PGC: variants seen among roughly 807,000 people sequenced by gnomAD.
PGC encodes gastricsin.
Under a neutral mutation model 45.9 loss-of-function variants are expected in PGC, and 31 were observed. The observed-to-expected ratio is 0.67, with a 90% CI of 0.51 to 0.91. The LOEUF (loss-of-function observed/expected upper bound fraction) is 0.91. Ranked by LOEUF, PGC falls within the 40% of genes least tolerant of loss-of-function variation. PGC has a pLI of 0.00. For synonymous variants in PGC, 192 were observed against 201.8 expected (o/e 0.95, Z 0.41); for missense variants, 477 against 493.2 (o/e 0.97, Z 0.31).
chr6:41,738,220 A>T lies in PGC; in HGVS notation c.916-392T>A, dbSNP rs1365193756. Reference sequence around the variant, plus strand: ...TATATATGCATATATATATGCATATATATATGCATATATATATGTATATAT... The same window carrying T: ...TATATATGCATATATATATGCATATTTATATGCATATATATATGTATATAT... On this transcript the variant is annotated intron_variant, in intron 7 of 8. Coordinates refer to ENST00000373025, the MANE Select transcript of PGC (RefSeq NM_002630.4). Among the ~76,000 whole-genome samples, 15 of 44,328 alleles carry T rather than the reference A, an allele frequency of 3.4e-4. 2 individuals carry two copies. The highest frequency in any genetic ancestry group is 1.2e-3 in the African/African-American group (15 of 12,984). 29.1% of individuals were successfully genotyped at this position (44,328 alleles called of 152,430 possible).
intron 3 of PGC, 53 bp from the exon 4 acceptor site, chr6:41,743,442 A>C (rs1360260036): frequency 9.0e-7 from 1 of 1,111,918 alleles, no homozygotes; most frequent in African/African-American, 1.5e-5. Context: ...AGGGCTGCTC[A>C]GCTCTCAGGC....
chr6:41,741,734 C>A, intron 5 of PGC: 1 of 1,169,416 alleles, frequency 8.6e-7, no homozygotes, highest in Non-Finnish European at 1.2e-6. Context: ...CGCTCACCCC[C>A]ACCCACTGCC....
intron 5 of PGC, chr6:41,741,297 TC>T (rs1448718610): frequency 1.5e-6 from 2 of 1,313,834 alleles, no homozygotes; most frequent in Non-Finnish European, 2.0e-6. Flanking sequence ...CAGGGTGAGG[TC>T]CTTGAACTTC....
At chr6:41,743,220 C>A in intron 4 of PGC, 51 bp downstream of exon 4, 1 of 1,083,934 alleles carries the variant, frequency 9.2e-7, no homozygotes, top group South Asian at 1.2e-5. Flanking sequence ...CTAACTGTCC[C>A]CTCCAGCTTA....
chr6:41,740,971 C>G, intron 5 of PGC: 4 of 1,514,730 alleles, frequency 2.6e-6, no homozygotes, highest in Non-Finnish European at 3.5e-6. Flanking sequence ...GAATTCCCAG[C>G]GCCTCAGGCT....
At chr6:41,741,346 T>C in intron 5 of PGC, 1 of 966,738 alleles carries the variant, frequency 1.0e-6, no homozygotes. Flanking sequence ...TAACTGTCTC[T>C]AGAAAGTGGC....
intron 7 of PGC, 49 bp from the exon 8 acceptor site, chr6:41,737,877 C>T (rs1320175228): frequency 2.8e-6 from 3 of 1,055,510 alleles, no homozygotes; most frequent in Non-Finnish European, 4.4e-6. Flanking sequence ...CCTGATAGCA[C>T]CCACCAGCCC....
chr6:41,745,012 T>C (rs1049875367), intron 1 of PGC, among the ~76,000 whole-genome samples: 13 of 150,364 alleles, frequency 8.6e-5, no homozygotes, highest in Admixed American at 6.8e-4. Flanking sequence ...TGTGTGTGTG[T>C]GTGCGCGCGC....
Position 41,744,722 on chromosome 6 carries a change from T to A in PGC, c.146A>T (p.Asp49Val), listed in dbSNP as rs759191234. The A allele has an allele frequency of 6.2e-7, 1 of 1,614,030 alleles. No individual in the cohort carries two copies. The highest frequency in any genetic ancestry group is 1.1e-5 in the South Asian group (1 of 91,082). ...ACCAAAGCGGTACTTCCAAGCAGGA[T>A]CATACTTGTGGGTCCTCAGGAACTC... ...LGEFLRTHKY[D>V]PAWKYRFGDL... Residue 49 changes from aspartate to valine, a missense_variant, in exon 2 of 9, where the codon GAT (aspartate) becomes GTT (valine). Asp to Val is a radical substitution (Grantham distance 152). Coordinates refer to ENST00000373025, the MANE Select transcript of PGC (RefSeq NM_002630.4). The surrounding 1 kb of genome is among the most constrained non-coding windows in gnomAD (Gnocchi z 4.4).
Position 41,744,933 on chromosome 6 carries a change from G to T in PGC, c.60-125C>A. The T allele has an allele frequency of 1.3e-6, 1 of 789,616 alleles. No homozygotes were observed. Among genetic ancestry groups the T allele is most frequent in the Non-Finnish European group, 2.0e-6 (1 of 493,880 alleles). The allele number at this position is 789,616 out of a possible 1,614,324, so 48.9% of individuals were successfully genotyped here. ...CCTGCCACTCTGTTTGTTCCCCCTT[G>T]TCTGTGTGTGTCTTTTTCTCTCTCT... On this transcript the variant is annotated intron_variant, in intron 1 of 8. Transcript: ENST00000373025. This position sits in a 1 kb window ranked among gnomAD's most constrained non-coding sequence, Gnocchi z 4.4.
At chr6:41,739,315 G>A (rs984533459) in intron 7 of PGC, among the ~76,000 whole-genome samples, 5 of 152,140 alleles carry the variant, frequency 3.3e-5, no homozygotes, top group East Asian at 3.9e-4. Context: ...AACTGGCCCC[G>A]CCTGAACAAG....
At chr6:41,745,111 C>T (rs1308402518) in intron 1 of PGC, among the ~76,000 whole-genome samples, 1 of 152,168 alleles carries the variant, frequency 6.6e-6, no homozygotes, top group Non-Finnish European at 1.5e-5. Context: ...CCATTCATTT[C>T]ACCATGCATG....
chr6:41,745,384 G>A (rs565590362), intron 1 of PGC, among the ~76,000 whole-genome samples: 1 of 150,842 alleles, frequency 6.6e-6, no homozygotes, highest in South Asian at 2.1e-4. Flanking sequence ...AATTACAGGC[G>A]CCTGTCACCA....
chr6:41,741,590 G>A (rs1267076612), intron 5 of PGC, among the ~76,000 whole-genome samples: 2 of 152,332 alleles, frequency 1.3e-5, no homozygotes, highest in East Asian at 1.9e-4. Context: ...AAGTAGCAGT[G>A]AGCCGAGATT....
At chr6:41,747,187 G>T in intron 1 of PGC, 89 bp downstream of exon 1, 1 of 1,082,280 alleles carries the variant, frequency 9.2e-7, no homozygotes, top group Non-Finnish European at 1.4e-6. Flanking sequence ...AGTAGAGACA[G>T]GCAGGGTGTC....
chr6:41,746,731 G>C (rs987269209), intron 1 of PGC, among the ~76,000 whole-genome samples: 1 of 152,254 alleles, frequency 6.6e-6, no homozygotes, highest in Non-Finnish European at 1.5e-5. Context: ...CTCTTGGGTA[G>C]AGAAATAACA....
rs780169497 is a variant in PGC, at chr6:41,737,007, G to C, written c.1015-3C>G. On this transcript the variant is annotated splice_polypyrimidine_tract_variant and splice_region_variant and intron_variant, in intron 8 of 8. Transcript: ENST00000373025. Reference sequence around the variant, plus strand: ...CCCACGGTGCAGTAGCCGTTGTTCTGCTCAACAAAGAAAGGCAGCACTCAT... The same window carrying C: ...CCCACGGTGCAGTAGCCGTTGTTCTCCTCAACAAAGAAAGGCAGCACTCAT... 1.9e-6 allele frequency: 3 copies of C among 1,612,090 alleles called. No homozygotes were observed. The highest frequency in any genetic ancestry group is 1.1e-5 in the South Asian group (1 of 90,864).
At chr6:41,743,560 T>G (rs1162853153) in intron 3 of PGC, among the ~76,000 whole-genome samples, 171 bp from the exon 4 acceptor site, 2 of 152,190 alleles carry the variant, frequency 1.3e-5, no homozygotes, top group African/African-American at 4.8e-5. Flanking sequence ...CCATGGGAGC[T>G]GGCCAGCCTT....
intron 7 of PGC, 87 bp downstream of exon 7, chr6:41,739,712 C>T (rs1048982636): frequency 3.8e-5 from 53 of 1,390,636 alleles, no homozygotes; most frequent in Non-Finnish European, 4.9e-5. Flanking sequence ...AGCCACGGCG[C>T]CCAGCTGGCT....
Sources: gnomAD v4.1 joint callset for allele counts (sites outside exome capture counted in the v4.1 genomes callset) on GRCh38, gnomAD v4.1.1 for gene constraint, Gnocchi (gnomAD v3.1) non-coding constraint, MANE v1.5 for transcripts, NCBI Gene and HGNC (gene_info 2026-07-23, HGNC 2026-07-21) for gene names.